The following NRXN3 variants were observed in gnomAD, a reference collection of about 807,000 sequenced individuals.
The protein encoded by NRXN3 is neurexin III.
Under a neutral mutation model 137.6 loss-of-function variants are expected in NRXN3, and 32 were observed. That is an observed-to-expected ratio of 0.23 (90% CI 0.18 to 0.31). The LOEUF is 0.31. Ranked by LOEUF, NRXN3 falls within the 10% of genes least tolerant of loss-of-function variation. The pLI is 1.00. For synonymous variants in NRXN3, 798 were observed against 784.5 expected (o/e 1.02, Z -0.29); for missense variants, 1,574 against 2,062.5 (o/e 0.76, Z 4.59).
intron 3 of NRXN3, chr14:78,282,952 A>T: frequency 6.6e-6 from 1 of 152,166 alleles, no homozygotes; most frequent in East Asian, 1.9e-4. Flanking sequence ...TCTGCATTTT[A>T]TCAGGACCTC....
At chr14:78,682,381 C>G (rs2098085014) in intron 6 of NRXN3, among the ~76,000 whole-genome samples, 1 of 148,330 alleles carries the variant, frequency 6.7e-6, no homozygotes, top group Non-Finnish European at 1.5e-5. Flanking sequence ...CATATCTTCC[C>G]TGCACCAAAC....
At chr14:79,236,809 G>A (rs2153319191) in intron 15 of NRXN3, among the ~76,000 whole-genome samples, 1 of 152,186 alleles carries the variant, frequency 6.6e-6, no homozygotes, top group South Asian at 2.1e-4. Context: ...CAGCAGCTAG[G>A]GAGGCTGAGG....
At chr14:78,754,160 G>A (rs560486959) in intron 8 of NRXN3, among the ~76,000 whole-genome samples, 1 of 152,308 alleles carries the variant, frequency 6.6e-6, no homozygotes, top group African/African-American at 2.4e-5. Flanking sequence ...TTAAGCTCGA[G>A]TTTTGCTTTT....
chr14:79,245,995 A>G (rs1207895865), intron 15 of NRXN3, among the ~76,000 whole-genome samples: 1 of 152,192 alleles, frequency 6.6e-6, no homozygotes, highest in African/African-American at 2.4e-5. Context: ...TTGGAAAGTG[A>G]TGGCTCTGCC....
At chr14:78,338,945 C>T (rs979198586) in intron 4 of NRXN3, among the ~76,000 whole-genome samples, 10 of 152,148 alleles carry the variant, frequency 6.6e-5, no homozygotes, top group South Asian at 2.1e-4. Context: ...GGCTGAGCCT[C>T]GGATCTAGGC....
chr14:78,471,970 A>T (rs1429731115), intron 4 of NRXN3, among the ~76,000 whole-genome samples: 3 of 152,226 alleles, frequency 2.0e-5, no homozygotes, highest in Non-Finnish European at 4.4e-5. Flanking sequence ...AGGGAAACCA[A>T]ACTCTGCATC....
At chr14:78,993,209 T>C (rs2099522479) in intron 15 of NRXN3, among the ~76,000 whole-genome samples, 1 of 152,190 alleles carries the variant, frequency 6.6e-6, no homozygotes. Context: ...GTGGGTTTAT[T>C]TATTTTTTTA....
At chr14:78,383,246 T>C (rs1453340070) in intron 4 of NRXN3, among the ~76,000 whole-genome samples, 1 of 152,148 alleles carries the variant, frequency 6.6e-6, no homozygotes, top group African/African-American at 2.4e-5. Context: ...TTTATCAGGC[T>C]TCCCTGCCAA....
chr14:78,314,968 T>C (rs201514959), intron 4 of NRXN3, among the ~76,000 whole-genome samples: 1,110 of 51,102 alleles, frequency 0.022, 15 homozygotes, highest in South Asian at 0.04. Context: ...CCTTCCTTCC[T>C]TCCTTCCTTC....
chr14:79,315,508 C>A (rs1406592438), intron 15 of NRXN3, among the ~76,000 whole-genome samples: 1 of 152,216 alleles, frequency 6.6e-6, no homozygotes, highest in South Asian at 2.1e-4. Flanking sequence ...ACCACCCCTT[C>A]CAAAGCTCAC....
At position 79,852,234 on chromosome 14, in the gene NRXN3, A is replaced by AACACACACACACACAC. The variant is rs45581833; in HGVS notation, c.4094-9077_4094-9062dup. On this transcript the variant is annotated intron_variant, in intron 20 of 20. Coordinates refer to ENST00000335750, the MANE Select transcript of NRXN3 (RefSeq NM_001330195.2). ...CAATACAGGTTCTAGTTCAACTCCCAACACACACACACACACACACACACA... is the reference window on the plus strand; with the variant it reads ...CAATACAGGTTCTAGTTCAACTCCCAACACACACACACACACACACACACACACACACACACACACA... 8.3e-3 allele frequency among the ~76,000 whole-genome samples: 1,061 copies of AACACACACACACACAC among 128,244 alleles called. 24 individuals carry two copies. The highest frequency in any genetic ancestry group is 9.7e-3 in the Non-Finnish European group (597 of 61,396). 84.1% of individuals were successfully genotyped at this position (128,244 alleles called of 152,430 possible).
intron 19 of NRXN3, among the ~76,000 whole-genome samples, chr14:79,779,418 A>G (rs574625098): frequency 5.9e-5 from 9 of 152,054 alleles, no homozygotes; most frequent in Middle Eastern, 3.4e-3. Context: ...CGGCCAATCA[A>G]TTGTTATTGA....
At chr14:79,410,381 A>G (rs2153513763) in intron 15 of NRXN3, among the ~76,000 whole-genome samples, 1 of 152,144 alleles carries the variant, frequency 6.6e-6, no homozygotes, top group East Asian at 1.9e-4. Context: ...TGTATTATTT[A>G]TAGGGGCTTC....
chr14:78,782,515 T>G (rs2098773565), intron 8 of NRXN3, among the ~76,000 whole-genome samples: 2 of 152,222 alleles, frequency 1.3e-5, no homozygotes, highest in Non-Finnish European at 2.9e-5. Context: ...CCAAGAAATC[T>G]GGATTGACCA....
intron 8 of NRXN3, among the ~76,000 whole-genome samples, chr14:78,785,524 A>T (rs1207731786): frequency 6.6e-6 from 1 of 152,216 alleles, no homozygotes; most frequent in African/African-American, 2.4e-5. Flanking sequence ...TCATAAACTC[A>T]TCAGCTGTGG....
intron 15 of NRXN3, among the ~76,000 whole-genome samples, chr14:79,183,156 G>A (rs1364110089): frequency 6.6e-6 from 1 of 151,940 alleles, no homozygotes; most frequent in Admixed American, 6.6e-5. Context: ...TAAACCTTTG[G>A]ATTGTATTGA....
chr14:78,245,891 A>G (rs1378094390), intron 2 of NRXN3, among the ~76,000 whole-genome samples: 1 of 152,184 alleles, frequency 6.6e-6, no homozygotes, highest in African/African-American at 2.4e-5. Context: ...GGGAAGAGGC[A>G]ACCCCAGTCT....
intron 9 of NRXN3, among the ~76,000 whole-genome samples, 153 bp downstream of exon 9, chr14:78,803,976 G>A (rs1311794354): frequency 1.3e-5 from 2 of 152,108 alleles, no homozygotes; most frequent in African/African-American, 2.4e-5. Context: ...CAACAGCAGC[G>A]ATCACCTTCT....
At chr14:79,413,860 T>C (rs1415655026) in intron 15 of NRXN3, among the ~76,000 whole-genome samples, 1 of 121,478 alleles carries the variant, frequency 8.2e-6, no homozygotes, top group Non-Finnish European at 1.6e-5. Flanking sequence ...GAGTGCAAGC[T>C]GACCCAGGAA....
Sources: allele counts gnomAD v4.1 joint callset (sites outside exome capture counted in the v4.1 genomes callset), GRCh38; gene constraint gnomAD v4.1.1; transcripts MANE v1.5; gene names NCBI Gene and HGNC (gene_info 2026-07-23, HGNC 2026-07-21).